The following LRP6 variants were observed in gnomAD, a reference collection of about 807,000 sequenced individuals.
LRP6 encodes LDL receptor related protein 6.
Under a neutral mutation model 184.1 loss-of-function variants are expected in LRP6, and 43 were observed. The observed-to-expected ratio is 0.23, with a 90% confidence interval of 0.18 to 0.30. The LOEUF (loss-of-function observed/expected upper bound fraction) is 0.30, where lower values mean the gene tolerates loss of function less well. LRP6 is among the 10% of genes least tolerant of loss of function. The pLI, the probability that LRP6 is intolerant of heterozygous loss-of-function variation, is 1.00. For synonymous variants in LRP6, 719 were observed against 684.9 expected (o/e 1.05, Z -0.78); for missense variants, 1,571 against 2,005.3 (o/e 0.78, Z 4.14).
rs571720673 is a variant in LRP6 at position 12,148,445 on chromosome 12, G to T, written c.3206+497C>A. 6.6e-5 allele frequency among the ~76,000 whole-genome samples: 10 copies of T among 152,096 alleles called. No individual in the cohort carries two copies. The East Asian group carries it at 1.9e-3, about 29-fold the overall frequency. On this transcript the variant is annotated intron_variant, in intron 14 of 22. Transcript: ENST00000261349. ...ATTGACTCAGATACAACTGATTATT[G>T]AGTATTTATTAAATGCAAAGCTCTT...
intron 2 of LRP6, among the ~76,000 whole-genome samples, chr12:12,238,176 T>C (rs1432355121): frequency 6.0e-5 from 9 of 150,012 alleles, no homozygotes; most frequent in Non-Finnish European, 1.5e-5. Flanking sequence ...ACTGCAAAGT[T>C]AGGCACAGCT....
At position 12,249,226 on chromosome 12, in the gene LRP6, C is replaced by G. The variant is rs371458908; in HGVS notation, c.56-4571G>C. Reference sequence around the variant, plus strand: ...GGACCTAAATACCCAGAAGCACCCCCCTTTGTAAGATTTGTAACAAAAAAT... The same window carrying G: ...GGACCTAAATACCCAGAAGCACCCCGCTTTGTAAGATTTGTAACAAAAAAT... On this transcript the variant is annotated intron_variant, in intron 1 of 22. Coordinates refer to ENST00000261349, the MANE Select transcript of LRP6 (RefSeq NM_002336.3). The G allele has an allele frequency of 3.7e-4, 309 of 830,234 alleles. 11 individuals carry two copies. In the South Asian group the frequency reaches 4.2e-3, roughly 11 times the overall value. 51.4% of individuals were successfully genotyped at this position (830,234 alleles called of 1,614,324 possible).
chr12:12,223,641 T>G (rs900859639), intron 2 of LRP6, among the ~76,000 whole-genome samples: 2 of 152,198 alleles, frequency 1.3e-5, no homozygotes, highest in Non-Finnish European at 2.9e-5. Flanking sequence ...AATTATACTT[T>G]TCTACTACTC....
At chr12:12,152,755 C>T (rs1471304611) in intron 12 of LRP6, among the ~76,000 whole-genome samples, 2 of 152,170 alleles carry the variant, frequency 1.3e-5, no homozygotes, top group African/African-American at 4.8e-5. Flanking sequence ...ACATAAATAG[C>T]CAAGCCACGA....
rs1352293059 is a variant in LRP6, at chr12:12,120,362, T to C, written c.*764A>G. On this transcript the variant is annotated 3_prime_UTR_variant, in exon 23 of 23. Transcript: ENST00000261349. ...AAAAAATCATGGTATCTTAGCAAAA[T>C]GACTTACCAAGTTGCTGGAGGAGGC... 6.6e-6 allele frequency: 1 copy of C among 151,966 alleles called. No individual in the cohort carries two copies. The highest frequency in any genetic ancestry group is 2.4e-5 in the African/African-American group (1 of 41,386). 9.4% of individuals were successfully genotyped at this position (151,966 alleles called of 1,614,324 possible). A position where few individuals can be genotyped will look rare whatever the true frequency, so the allele number is the denominator to read the frequency against.
At position 12,119,991 on chromosome 12, in the gene LRP6, ATATATATATATAT is replaced by A. The variant is rs1949576962; in HGVS notation, c.*1122_*1134del. 9.3e-4 allele frequency: 3 copies of A among 3,234 alleles called. 1 individual carries two copies. The highest frequency in any genetic ancestry group is 0.02 in the South Asian group (2 of 98). The allele number at this position is 3,234 out of a possible 1,614,324, so 0.2% of individuals were successfully genotyped here. ...CTCAGAAAACAAACAAACAAACAAAATATATATATATATATATATATATATATATATATATATA... is the reference window on the plus strand; with the variant it reads ...CTCAGAAAACAAACAAACAAACAAAAATATATATATATATATATATATATA... On this transcript the variant is annotated 3_prime_UTR_variant, in exon 23 of 23. Coordinates refer to ENST00000261349, the MANE Select transcript of LRP6 (RefSeq NM_002336.3).
chr12:12,138,171 C>CAA (rs1226756234), intron 16 of LRP6, among the ~76,000 whole-genome samples, 154 bp downstream of exon 16: 15 of 109,258 alleles, frequency 1.4e-4, no homozygotes, highest in African/African-American at 4.9e-4. Context: ...ACTCCGTCTC[C>CAA]AAAAAAAAAA....
chr12:12,261,747 C>G (rs184604490), intron 1 of LRP6, among the ~76,000 whole-genome samples: 1 of 152,154 alleles, frequency 6.6e-6, no homozygotes, highest in East Asian at 1.9e-4. Flanking sequence ...AATTTAGAAC[C>G]ATAACTTAAT....
chr12:12,210,077 G>A (rs751321232), intron 2 of LRP6, among the ~76,000 whole-genome samples: 1 of 152,158 alleles, frequency 6.6e-6, no homozygotes, highest in Non-Finnish European at 1.5e-5. Context: ...GTAGCATATC[G>A]TGAGGTACAT....
chr12:12,259,198 T>C lies in LRP6; in HGVS notation c.55+7483A>G, dbSNP rs141489161. ...GAATCACTTGAACCCAGGAGGCAGA[T>C]GTCACAGTGAGCCAAGATCATGGCA... On this transcript the variant is annotated intron_variant, in intron 1 of 22. Transcript: ENST00000261349. Among the ~76,000 whole-genome samples, 306 of 148,410 alleles carry C rather than the reference T, an allele frequency of 2.1e-3. 1 individual carries two copies. The highest frequency in any genetic ancestry group is 3.6e-3 in the Non-Finnish European group (242 of 67,642).
At chr12:12,167,003 G>A (rs901314315) in intron 7 of LRP6, among the ~76,000 whole-genome samples, 2 of 152,138 alleles carry the variant, frequency 1.3e-5, no homozygotes, top group African/African-American at 4.8e-5. Flanking sequence ...GGAGGCTAAA[G>A]CAGGCAGATT....
At chr12:12,208,374 AT>A (rs1416771810) in intron 2 of LRP6, among the ~76,000 whole-genome samples, 3 of 152,254 alleles carry the variant, frequency 2.0e-5, no homozygotes, top group Non-Finnish European at 4.4e-5. Context: ...CAACAAAAAA[AT>A]ATGAATTTTT....
chr12:12,127,508 C>T (rs1266386452), intron 19 of LRP6, among the ~76,000 whole-genome samples: 1 of 152,170 alleles, frequency 6.6e-6, no homozygotes, highest in Non-Finnish European at 1.5e-5. Flanking sequence ...TGCTGGCCTT[C>T]AGGCTGTCTA....
chr12:12,159,717 T>C, intron 11 of LRP6, 63 bp downstream of exon 11: 12 of 1,474,850 alleles, frequency 8.1e-6, no homozygotes, highest in Non-Finnish European at 1.1e-5. Context: ...CAATGATAAA[T>C]AGCAGCCACT....
intron 7 of LRP6, among the ~76,000 whole-genome samples, chr12:12,175,010 T>C (rs911461014): frequency 1.3e-5 from 2 of 152,214 alleles, no homozygotes; most frequent in Non-Finnish European, 2.9e-5. Flanking sequence ...ATCTCTCTTT[T>C]TATCTATACT....
At chr12:12,235,749 A>G (rs1565692304) in intron 2 of LRP6, among the ~76,000 whole-genome samples, 2 of 152,012 alleles carry the variant, frequency 1.3e-5, no homozygotes, top group Middle Eastern at 3.4e-3. Flanking sequence ...AAAGAAAAAG[A>G]AAAAAGAAAA....
intron 2 of LRP6, among the ~76,000 whole-genome samples, chr12:12,214,387 C>T (rs1478066922): frequency 6.6e-6 from 1 of 152,170 alleles, no homozygotes; most frequent in African/African-American, 2.4e-5. Context: ...CTTTTCATAA[C>T]AGGTGAATAC....
rs575124845 is a variant in LRP6, at chr12:12,156,834, A to G, written c.2791+1995T>C. 2.0e-5 allele frequency among the ~76,000 whole-genome samples: 3 copies of G among 152,242 alleles called. No individual in the cohort carries two copies. The East Asian group carries it at 5.8e-4, about 29-fold the overall frequency. ...GTTCTCTGTGAACTTCTCTTCCTCA[A>G]CCAGAGTTGCATAGTTTACCAAGTG... is the stretch of plus-strand genomic sequence containing the variant. On this transcript the variant is annotated intron_variant, in intron 12 of 22. Transcript: ENST00000261349.
intron 9 of LRP6, 72 bp downstream of exon 9, chr12:12,164,201 C>A: frequency 2.9e-6 from 4 of 1,388,514 alleles, no homozygotes; most frequent in Admixed American, 1.7e-5. Context: ...TGGGTCACAG[C>A]ATGAAGATTC....
Sources: allele counts gnomAD v4.1 joint callset (sites outside exome capture counted in the v4.1 genomes callset), GRCh38; gene constraint gnomAD v4.1.1; transcripts MANE v1.5; gene names NCBI Gene and HGNC (gene_info 2026-07-23, HGNC 2026-07-21).